SLC28A3: variants seen among roughly 807,000 people sequenced by gnomAD.
SLC28A3 encodes the protein solute carrier family 28 member 3, also known as concentrative Na(+)-nucleoside cotransporter 3.
A neutral mutation model predicts 84.2 loss-of-function variants in SLC28A3; 68 were observed. The ratio of observed to expected loss-of-function variants is 0.81; its 90% CI spans 0.66 to 0.99. SLC28A3 has a LOEUF of 0.99. Ranked by LOEUF, SLC28A3 falls within the 50% of genes least tolerant of loss-of-function variation. SLC28A3 has a pLI of 0.00. For missense variants in SLC28A3, 712 were observed against 841.5 expected (o/e 0.85, Z 1.90); for synonymous variants, 267 against 303.6 (o/e 0.88, Z 1.25).
chr9:84,303,364 A>T (rs1825692434), intron 4 of SLC28A3, among the ~76,000 whole-genome samples: 4 of 152,218 alleles, frequency 2.6e-5, no homozygotes, highest in Admixed American at 2.0e-4. Flanking sequence ...CTTGTTGCCC[A>T]GGATAAAGTG....
intron 8 of SLC28A3, among the ~76,000 whole-genome samples, chr9:84,296,460 T>A (rs975788584): frequency 1.3e-5 from 2 of 152,088 alleles, no homozygotes; most frequent in African/African-American, 4.8e-5. Flanking sequence ...AGAAAACAAT[T>A]TAGAAGTGTA....
chr9:84,366,869 A>T, the SLC28A3 span, among the ~76,000 whole-genome samples: 1 of 152,078 alleles, frequency 6.6e-6, no homozygotes, highest in Non-Finnish European at 1.5e-5. Context: ...CTCACCCAAG[A>T]CCTTCTGTAA....
intron 11 of SLC28A3, chr9:84,289,921 T>C (rs1825145066): frequency 2.9e-6 from 1 of 348,102 alleles, no homozygotes; most frequent in Non-Finnish European, 5.2e-6. Context: ...GATTGCATTT[T>C]TCTGTTTTTA....
At chr9:84,366,433 G>A in the SLC28A3 span, among the ~76,000 whole-genome samples, 1 of 151,928 alleles carries the variant, frequency 6.6e-6, no homozygotes, top group Admixed American at 6.6e-5. Flanking sequence ...TTTCCTGGAT[G>A]GTGTTGATGC....
intron 3 of SLC28A3, among the ~76,000 whole-genome samples, chr9:84,306,463 C>A (rs1390968510): frequency 6.6e-6 from 1 of 152,170 alleles, no homozygotes; most frequent in Non-Finnish European, 1.5e-5. Flanking sequence ...AGATACATGC[C>A]TCTGAACTTT....
chr9:84,347,196 ACT>A, the SLC28A3 span, among the ~76,000 whole-genome samples: 1 of 124,310 alleles, frequency 8.0e-6, no homozygotes, highest in Non-Finnish European at 1.6e-5. Flanking sequence ...ACAGAGCAAG[ACT>A]CTGTCTAAAA....
At chr9:84,320,416 C>T (rs1160649327) in intron 1 of SLC28A3, among the ~76,000 whole-genome samples, 4 of 152,066 alleles carry the variant, frequency 2.6e-5, no homozygotes, top group Admixed American at 6.6e-5. Flanking sequence ...TTTCCATGTC[C>T]CTAAATTCAG....
chr9:84,325,931 G>A (rs1479084701), intron 1 of SLC28A3, among the ~76,000 whole-genome samples: 1 of 152,146 alleles, frequency 6.6e-6, no homozygotes, highest in South Asian at 2.1e-4. Flanking sequence ...AAAAAGAAGA[G>A]AACTAATCAT....
rs1239586812 is a variant in SLC28A3, at chr9:84,276,855, G to A, written c.*1363C>T. On this transcript the variant is annotated 3_prime_UTR_variant, in exon 18 of 18. Transcript: ENST00000376238. ...AATAGAAACAAAATAAATTACTTAA[G>A]GTATTTCAAAACCTTTTTCACATTC... 2 of 152,062 alleles carry A rather than the reference G, an allele frequency of 1.3e-5. No homozygotes were observed. Among genetic ancestry groups the A allele is most frequent in the Non-Finnish European group, 2.9e-5 (2 of 68,010 alleles). 9.4% of individuals were successfully genotyped at this position (152,062 alleles called of 1,614,324 possible).
the SLC28A3 span, among the ~76,000 whole-genome samples, chr9:84,362,908 A>G: frequency 6.6e-6 from 1 of 152,108 alleles, no homozygotes; most frequent in African/African-American, 2.4e-5. Flanking sequence ...TACATTAAAT[A>G]ACAGATTTAT....
chr9:84,302,427 A>G (rs1825668569), intron 4 of SLC28A3, 38 bp from the exon 5 acceptor site: 1 of 1,594,096 alleles, frequency 6.3e-7, no homozygotes, highest in East Asian at 2.3e-5. Flanking sequence ...AACATCACTA[A>G]CCACTGGGAC....
intron 14 of SLC28A3, among the ~76,000 whole-genome samples, chr9:84,282,368 C>G (rs1231058735): frequency 6.6e-6 from 1 of 151,576 alleles, no homozygotes; most frequent in East Asian, 1.9e-4. Flanking sequence ...CAAAACTGAG[C>G]CCTTAAGTTG....
At chr9:84,365,598 T>C in the SLC28A3 span, among the ~76,000 whole-genome samples, 1 of 152,256 alleles carries the variant, frequency 6.6e-6, no homozygotes, top group South Asian at 2.1e-4. Context: ...TGGAGATTTT[T>C]CCCAAACTTT....
chr9:84,300,784 C>T (rs1825599298), intron 5 of SLC28A3, among the ~76,000 whole-genome samples: 3 of 152,084 alleles, frequency 2.0e-5, no homozygotes, highest in Non-Finnish European at 2.9e-5. Context: ...TTCACAGGCC[C>T]TTCCTCCCAA....
At chr9:84,347,180 T>C in the SLC28A3 span, among the ~76,000 whole-genome samples, 29 of 121,012 alleles carry the variant, frequency 2.4e-4, no homozygotes, top group Admixed American at 2.1e-3. Context: ...CACTCTAGCC[T>C]GGGCAACAGA....
chr9:84,299,949 C>A (rs1407659238), intron 5 of SLC28A3, among the ~76,000 whole-genome samples: 1 of 152,114 alleles, frequency 6.6e-6, no homozygotes, highest in Non-Finnish European at 1.5e-5. Context: ...TCTGCCACCA[C>A]CCCTGGCTAA....
intron 2 of SLC28A3, among the ~76,000 whole-genome samples, chr9:84,311,930 C>T (rs1358011712): frequency 6.6e-6 from 1 of 152,204 alleles, no homozygotes; most frequent in African/African-American, 2.4e-5. Flanking sequence ...TTTACTGTCT[C>T]CATAGTTTTG....
Position 84,279,260 on chromosome 9 carries a change from A to G in SLC28A3, c.1949+5T>C. The G allele has an allele frequency of 6.2e-7, 1 of 1,606,648 alleles. No homozygotes were observed. The highest frequency in any genetic ancestry group is 8.5e-7 in the Non-Finnish European group (1 of 1,177,388). On this transcript the variant is annotated splice_donor_5th_base_variant and intron_variant, in intron 17 of 17. Transcript: ENST00000376238. ...ATAAAGAAATTATAATCAAGAATAC[A>G]ATACCTGCTCAACAGACTTTGGCAA...
In SLC28A3 at chr9:84,301,369, A is replaced by AAAAAG. The variant is rs1554725716; in HGVS notation, c.524+830_524+831insCTTTT. Among the ~76,000 whole-genome samples, 1,203 of 131,988 alleles carry AAAAAG rather than the reference A, an allele frequency of 9.1e-3. 13 individuals are homozygous for AAAAAG. The highest frequency in any genetic ancestry group is 0.034 in the African/African-American group (1,077 of 31,604). The allele number at this position is 131,988 out of a possible 152,430, so 86.6% of individuals were successfully genotyped here. A position where few individuals can be genotyped will look rare whatever the true frequency, so the allele number is the denominator to read the frequency against. ...TGTCTCAAAAAAAAAAAAAAAAAAA[A>AAAAAG]AAAAAGAAAAGGCTGTAAACATTGG... is the stretch of plus-strand genomic sequence containing the variant. On this transcript the variant is annotated intron_variant, in intron 5 of 17. Coordinates refer to ENST00000376238, the MANE Select transcript of SLC28A3 (RefSeq NM_001199633.2).
Sources: gnomAD v4.1 joint callset for allele counts (sites outside exome capture counted in the v4.1 genomes callset) on GRCh38, gnomAD v4.1.1 for gene constraint, MANE v1.5 for transcripts, NCBI Gene and HGNC (gene_info 2026-07-23, HGNC 2026-07-21) for gene names.